Variants in CHST15 observed in about 807,000 individuals in gnomAD.
The protein encoded by CHST15 is B cell RAG associated protein (GALNAC4S-6ST).
In CHST15, 30 loss-of-function variants were observed where a neutral mutation model predicts 53.6. That is an observed-to-expected ratio of 0.56 (90% CI 0.42 to 0.76). CHST15 has a LOEUF of 0.76. Ranked by LOEUF, CHST15 falls within the 30% of genes least tolerant of loss-of-function variation. The pLI, the probability that CHST15 is intolerant of heterozygous loss-of-function variation, is 0.00. For missense variants in CHST15, 627 were observed against 740.5 expected (o/e 0.85, Z 1.78); for synonymous variants, 296 against 289.8 (o/e 1.02, Z -0.22).
intron 5 of CHST15, among the ~76,000 whole-genome samples, chr10:124,035,216 C>G (rs1454777728): frequency 1.5e-5 from 2 of 134,000 alleles, no homozygotes; most frequent in Non-Finnish European, 3.2e-5. Flanking sequence ...CCTGGCTCTA[C>G]CCCCTAACAG....
intron 5 of CHST15, 41 bp from the exon 6 acceptor site, chr10:124,021,453 A>G (rs1403029019): frequency 6.4e-7 from 1 of 1,574,560 alleles, no homozygotes; most frequent in South Asian, 1.2e-5. Flanking sequence ...ACCCATGAAC[A>G]TGCAATCACA....
intron 1 of CHST15, among the ~76,000 whole-genome samples, chr10:124,064,926 T>G (rs1318037199): frequency 4.6e-5 from 7 of 152,154 alleles, no homozygotes; most frequent in Non-Finnish European, 7.3e-5. Flanking sequence ...CTTAACCAGC[T>G]GACAGTCCTA....
rs559133475 is a variant in CHST15 at position 124,071,415 on chromosome 10, C to A, written c.-513+22054G>T. ...AGGGGCCACAGCTGGGGCTTCTCTC[C>A]TCTCCTCCAACTCCCTAGCACTCTG... On this transcript the variant is annotated intron_variant, in intron 1 of 7. Coordinates refer to ENST00000435907, the MANE Select transcript of CHST15 (RefSeq NM_001270764.2). 8.5e-5 allele frequency among the ~76,000 whole-genome samples: 13 copies of A among 152,344 alleles called. No individual in the cohort carries two copies. In the South Asian group the frequency reaches 2.5e-3, roughly 29 times the overall value.
intron 1 of CHST15, among the ~76,000 whole-genome samples, chr10:124,062,143 C>T (rs765101296): frequency 3.3e-5 from 5 of 152,084 alleles, no homozygotes; most frequent in Non-Finnish European, 5.9e-5. Context: ...CACAGAATTC[C>T]CTGGAGTGGG....
intron 4 of CHST15, among the ~76,000 whole-genome samples, chr10:124,041,920 AATCGATG>A (rs1947755885): frequency 6.6e-6 from 1 of 152,228 alleles, no homozygotes; most frequent in African/African-American, 2.4e-5. Context: ...CCAAGCAGCA[AATCGATG>A]ACTAACCAGT....
chr10:124,027,846 C>T (rs1251635085), intron 5 of CHST15, among the ~76,000 whole-genome samples: 2 of 152,232 alleles, frequency 1.3e-5, no homozygotes, highest in African/African-American at 4.8e-5. Context: ...CCTGCCTGAC[C>T]CCAAAGCGCC....
chr10:124,011,993 T>C (rs1946430429), intron 7 of CHST15, among the ~76,000 whole-genome samples: 1 of 152,162 alleles, frequency 6.6e-6, no homozygotes, highest in Non-Finnish European at 1.5e-5. Flanking sequence ...CATCAGCACA[T>C]ACCTTACATG....
intron 5 of CHST15, among the ~76,000 whole-genome samples, chr10:124,035,934 C>A (rs1455772764): frequency 6.6e-6 from 1 of 152,230 alleles, no homozygotes; most frequent in African/African-American, 2.4e-5. Context: ...GGGCCCAGAG[C>A]AGGGCTGACA....
Position 124,009,241 on chromosome 10 carries a change from G to C in CHST15, c.*908C>G. 1 of 1,097,188 alleles carries C rather than the reference G, an allele frequency of 9.1e-7. No individual in the cohort carries two copies. Among genetic ancestry groups the C allele is most frequent in the Non-Finnish European group, 1.1e-6 (1 of 889,602 alleles). The allele number at this position is 1,097,188 out of a possible 1,614,324, so 68.0% of individuals were successfully genotyped here. On this transcript the variant is annotated 3_prime_UTR_variant, in exon 8 of 8. Transcript: ENST00000435907. ...TTTTCCAAGAAGTGTTCAATTCCTT[G>C]AGGTTGCTCATTCTGGCATTAACAG...
At chr10:124,070,924 G>C (rs976914792) in intron 1 of CHST15, among the ~76,000 whole-genome samples, 29 of 152,128 alleles carry the variant, frequency 1.9e-4, no homozygotes, top group African/African-American at 7.0e-4. Flanking sequence ...TGCCCTTCAC[G>C]GCACTGTCTA....
intron 3 of CHST15, among the ~76,000 whole-genome samples, chr10:124,042,868 C>T (rs1247181491): frequency 6.6e-6 from 1 of 152,174 alleles, no homozygotes; most frequent in East Asian, 1.9e-4. Context: ...GAGGGCTGCC[C>T]ACAGGAGAGA....
At chr10:124,037,168 T>C (rs1438550322) in intron 5 of CHST15, among the ~76,000 whole-genome samples, 2 of 152,206 alleles carry the variant, frequency 1.3e-5, no homozygotes, top group Non-Finnish European at 2.9e-5. Flanking sequence ...TATGACCTCA[T>C]TTTAACCGGA....
intron 6 of CHST15, among the ~76,000 whole-genome samples, chr10:124,016,220 G>A (rs566389827): frequency 6.6e-6 from 1 of 152,176 alleles, no homozygotes; most frequent in Admixed American, 6.5e-5. Context: ...CCCTGCATCC[G>A]GGTGCCACAG....
chr10:124,011,075 G>A (rs1249893448), intron 7 of CHST15: 10 of 982,700 alleles, frequency 1.0e-5, no homozygotes, highest in Non-Finnish European at 1.1e-5. Flanking sequence ...GGCCGGGAGG[G>A]GCTGTCAGTC....
intron 1 of CHST15, among the ~76,000 whole-genome samples, chr10:124,052,480 C>T (rs1242523218): frequency 6.6e-6 from 1 of 152,192 alleles, no homozygotes; most frequent in African/African-American, 2.4e-5. Flanking sequence ...TCCATGTCCA[C>T]CCAGCGGCCT....
intron 5 of CHST15, among the ~76,000 whole-genome samples, chr10:124,025,186 C>T (rs914011131): frequency 7.2e-5 from 11 of 152,216 alleles, no homozygotes; most frequent in African/African-American, 2.7e-4. Context: ...GAGGAATCTG[C>T]TGATTCCATA....
intron 2 of CHST15, among the ~76,000 whole-genome samples, 193 bp from the exon 3 acceptor site, chr10:124,045,112 C>CAAA (rs758243657): frequency 0.025 from 828 of 33,538 alleles, 37 homozygotes; most frequent in African/African-American, 0.025. Flanking sequence ...CGCCGCCCCA[C>CAAA]AAAAAAAAAA....
chr10:124,026,714 C>T (rs1947026848), intron 5 of CHST15, among the ~76,000 whole-genome samples: 1 of 152,170 alleles, frequency 6.6e-6, no homozygotes, highest in African/African-American at 2.4e-5. Flanking sequence ...ACAGGCAGCT[C>T]ACGGCCTCAG....
intron 6 of CHST15, among the ~76,000 whole-genome samples, chr10:124,015,848 G>A (rs942711010): frequency 6.6e-6 from 1 of 152,236 alleles, no homozygotes; most frequent in Admixed American, 6.5e-5. Context: ...GGTGGAGAGA[G>A]AAGACAGTCA....
Sources: allele counts gnomAD v4.1 joint callset (sites outside exome capture counted in the v4.1 genomes callset), GRCh38; gene constraint gnomAD v4.1.1; transcripts MANE v1.5; gene names NCBI Gene and HGNC (gene_info 2026-07-23, HGNC 2026-07-21).